The following TRMO variants were observed in gnomAD, a reference collection of about 807,000 sequenced individuals.
The protein encoded by TRMO is tRNA (adenine(37)-N6)-methyltransferase.
A neutral mutation model predicts 37.2 loss-of-function variants in TRMO; 30 were observed. The ratio of observed to expected loss-of-function variants is 0.81; its 90% confidence interval spans 0.60 to 1.09. The LOEUF (loss-of-function observed/expected upper bound fraction) is 1.09. TRMO is among the 50% of genes least tolerant of loss of function. TRMO has a pLI of 0.00. For synonymous variants in TRMO, 239 were observed against 199.4 expected (o/e 1.20, Z -1.67); for missense variants, 552 against 549.5 (o/e 1.00, Z -0.05).
At chr9:97,899,647 A>C (rs1831123311), downstream of TRMO, among the ~76,000 whole-genome samples, 1 of 152,150 alleles carries the variant, frequency 6.6e-6, no homozygotes. Flanking sequence ...GCACTTTAGG[A>C]GGCCGAGGCA....
Position 97,922,420 on chromosome 9 carries a change from GTCTCC to G in TRMO, c.69_73del (p.Glu24ArgfsTer6). On this transcript the variant is annotated frameshift_variant, in exon 1 of 5. Coordinates refer to ENST00000375119, the MANE Select transcript of TRMO (RefSeq NM_016481.5). LOFTEE classifies it high-confidence loss of function. ...GCACCGCCGGTGTTGGAAGTTACCT[GTCTCC>G]AGAGCCGGCTTAACGCAGCCGCACG... is the stretch of plus-strand genomic sequence containing the variant. The G allele has an allele frequency of 6.3e-7, 1 of 1,578,136 alleles. No individual in the cohort carries two copies. Among genetic ancestry groups the G allele is most frequent in the Non-Finnish European group, 8.6e-7 (1 of 1,160,800 alleles).
chr9:97,903,934 T>C (rs551385118), downstream of TRMO, among the ~76,000 whole-genome samples: 1 of 152,000 alleles, frequency 6.6e-6, no homozygotes, highest in African/African-American at 2.4e-5. Context: ...ATACAAAAAT[T>C]AGCCAGGCAT....
intron 1 of TRMO, among the ~76,000 whole-genome samples, chr9:97,917,923 C>A (rs1283648572): frequency 6.7e-6 from 1 of 149,374 alleles, no homozygotes; most frequent in Non-Finnish European, 1.5e-5. Flanking sequence ...CTCCAGCAAT[C>A]TGCCCATCTC....
In TRMO at chr9:97,910,479, G is replaced by A. The variant is rs770962621; in HGVS notation, c.547C>T (p.His183Tyr). 93 of 1,614,044 alleles carry A rather than the reference G, an allele frequency of 5.8e-5. No individual in the cohort carries two copies. The South Asian group carries it at 1.0e-3, about 17-fold the overall frequency. Residue 183 changes from histidine to tyrosine, a missense_variant, in exon 4 of 5, where the codon CAT becomes TAT. Coordinates refer to ENST00000375119, the MANE Select transcript of TRMO (RefSeq NM_016481.5). The stretch of plus-strand genomic sequence containing the variant: ...GACTGGGACACAGTGTTTGGTGTAT[G>A]TTGGTTATTCTGTAAATTAAAGTCT... ...LADFNLQNNQ[H>Y]TPNTVSQSDS...
At position 97,913,449 on chromosome 9, in the gene TRMO, G is replaced by T. The variant is rs765666808; in HGVS notation, c.361C>A (p.Arg121Ser). Residue 121 changes from arginine to serine, a missense_variant, in exon 3 of 5, where the codon CGT (arginine) becomes AGT (serine). Physicochemically the swap from Arg to Ser is moderately radical, Grantham distance 110. Transcript: ENST00000375119. ...AGGGTCAGTCCTATTGCATTGGGAC[G>T]ATGAGGGCTCCTTGTGGAAAAAACT... ...TGVFSTRSPH[R>S]PNAIGLTLAK... 1 of 1,613,906 alleles carries T rather than the reference G, an allele frequency of 6.2e-7. No homozygotes were observed. The highest frequency in any genetic ancestry group is 8.5e-7 in the Non-Finnish European group (1 of 1,179,868).
rs749783129 is a variant in TRMO, at chr9:97,912,965, T to C, written c.409+436A>G. 1.1e-5 allele frequency: 14 copies of C among 1,301,160 alleles called. No homozygotes were observed. The South Asian group carries it at 1.4e-4, about 13-fold the overall frequency. The allele number at this position is 1,301,160 out of a possible 1,614,324, so 80.6% of individuals were successfully genotyped here. A position where few individuals can be genotyped will look rare whatever the true frequency, so the allele number is the denominator to read the frequency against. The stretch of plus-strand genomic sequence containing the variant: ...GCACTGCAGCCATGATATCTGTCCA[T>C]TTCCCCAAGGCTGCAAGGAAGGAAT... On this transcript the variant is annotated intron_variant, in intron 3 of 4. Coordinates refer to ENST00000375119, the MANE Select transcript of TRMO (RefSeq NM_016481.5).
At chr9:97,902,096 G>T (rs1346422486), downstream of TRMO, among the ~76,000 whole-genome samples, 4 of 152,208 alleles carry the variant, frequency 2.6e-5, no homozygotes, top group Non-Finnish European at 5.9e-5. Context: ...TCTCTAGTGG[G>T]CAGAGCTGTC....
chr9:97,916,355 G>A lies in TRMO; in HGVS notation c.77-17C>T. The A allele has an allele frequency of 6.3e-7, 1 of 1,577,588 alleles. No individual in the cohort carries two copies. The highest frequency in any genetic ancestry group is 8.6e-7 in the Non-Finnish European group (1 of 1,162,026). On this transcript the variant is annotated splice_polypyrimidine_tract_variant and intron_variant, in intron 1 of 4. Coordinates refer to ENST00000375119, the MANE Select transcript of TRMO (RefSeq NM_016481.5). ...AAAGATTCCCTACAGGAGAAAATTAGGTAAAAAGTTATTAGTCAAAAGGTC... is the reference window on the plus strand; with the variant it reads ...AAAGATTCCCTACAGGAGAAAATTAAGTAAAAAGTTATTAGTCAAAAGGTC...
At chr9:97,922,048 C>T (rs1587846374) in intron 1 of TRMO, among the ~76,000 whole-genome samples, 1 of 152,224 alleles carries the variant, frequency 6.6e-6, no homozygotes, top group Admixed American at 6.5e-5. Context: ...GTCCTCATTC[C>T]TACAGCGCAG....
In TRMO at chr9:97,909,987, T is replaced by A. The variant is rs773059335; in HGVS notation, c.1039A>T (p.Met347Leu). The A allele has an allele frequency of 1.3e-5, 21 of 1,559,382 alleles. No homozygotes were observed. The highest frequency in any genetic ancestry group is 1.8e-5 in the Non-Finnish European group (21 of 1,153,282). ...TGTGAACTGAGCTGCCCAAGGTCCA[T>A]CTCGGCATGAGGAGTAAACCGCACT... ...LEVRFTPHAEMDLGQLSSQDV... is the reference protein window; with the variant it reads ...LEVRFTPHAELDLGQLSSQDV... Residue 347 changes from methionine to leucine, a missense_variant, in exon 4 of 5, where the codon ATG becomes TTG. Physicochemically the swap from Met to Leu is conservative, Grantham distance 15. Transcript: ENST00000375119.
intron 2 of TRMO, 48 bp downstream of exon 2, chr9:97,916,116 G>T: frequency 7.0e-7 from 1 of 1,436,658 alleles, no homozygotes; most frequent in Admixed American, 2.1e-5. Context: ...CTTTATTCGG[G>T]GGCAAGTTCT....
intron 1 of TRMO, among the ~76,000 whole-genome samples, chr9:97,916,709 T>C (rs888307747): frequency 1.4e-4 from 21 of 146,190 alleles, no homozygotes; most frequent in African/African-American, 2.5e-4. Context: ...TTCTTTCTTT[T>C]TTTTTTTTTT....
At chr9:97,905,913 T>C (rs1168028302) in intron 4 of TRMO, among the ~76,000 whole-genome samples, 2 of 152,166 alleles carry the variant, frequency 1.3e-5, no homozygotes, top group Admixed American at 6.5e-5. Flanking sequence ...CCCAGCACTT[T>C]GGGAGGCCAA....
chr9:97,916,237 A>G lies in TRMO; in HGVS notation c.178T>C (p.Leu60=). The G allele has an allele frequency of 1.9e-6, 3 of 1,613,798 alleles. No homozygotes were observed. Among genetic ancestry groups the G allele is most frequent in the Non-Finnish European group, 2.5e-6 (3 of 1,179,760 alleles). ...TTAAAGATCCTCTTTCTAATCCTCA[A>G]ACAGGCTCGAGAATAGCTACAAATG... ...PSICSYSRAC[L]RIRKRIFNNP... The change falls in exon 2 of 5, where the codon TTG becomes CTG. Residue 60 remains leucine, a synonymous_variant. Coordinates refer to ENST00000375119, the MANE Select transcript of TRMO (RefSeq NM_016481.5).
At chr9:97,914,625 C>A (rs144765032) in intron 2 of TRMO, among the ~76,000 whole-genome samples, 50 of 151,776 alleles carry the variant, frequency 3.3e-4, no homozygotes, top group African/African-American at 1.2e-3. Flanking sequence ...CCTCCATTAA[C>A]AAGAGTGTGT....
intron 4 of TRMO, 139 bp from the exon 5 acceptor site, chr9:97,905,131 C>T (rs770954958): frequency 1.3e-5 from 12 of 919,306 alleles, no homozygotes; most frequent in Admixed American, 4.6e-5. Flanking sequence ...TTGATCATTA[C>T]GGAGACTGTC....
rs1185757021 is a variant in TRMO, at chr9:97,915,080, T to G, written c.251+1084A>C. On this transcript the variant is annotated intron_variant, in intron 2 of 4. Coordinates refer to ENST00000375119, the MANE Select transcript of TRMO (RefSeq NM_016481.5). ...CAAATTGACATGAAAAATAAACTAT[T>G]TCAGAATATACACTTAATTTTTAGG... Among the ~76,000 whole-genome samples, 4 of 152,216 alleles carry G rather than the reference T, an allele frequency of 2.6e-5. No homozygotes were observed. In the East Asian group the frequency reaches 5.8e-4, roughly 22 times the overall value.
At chr9:97,898,786 G>A in the TRMO span, among the ~76,000 whole-genome samples, 1 of 142,654 alleles carries the variant, frequency 7.0e-6, no homozygotes, top group African/African-American at 2.7e-5. Flanking sequence ...GGTAGGGCTT[G>A]CTTCAATAAC....
At position 97,910,093 on chromosome 9, in the gene TRMO, G is replaced by A; in HGVS notation, c.933C>T (p.His311=). ...CTCCATCAGCCCTTCCAGCAGGGCA[G>A]TGAGGGGCCATGGGCTGTGTCTCTG... ...SRAETQPMAP[H]CPAGRADGAP... Residue 311 remains histidine (H), a synonymous_variant, in exon 4 of 5, where the codon CAC becomes CAT. Transcript: ENST00000375119. 6.2e-7 allele frequency: 1 copy of A among 1,614,106 alleles called. No homozygotes were observed. The highest frequency in any genetic ancestry group is 1.1e-5 in the South Asian group (1 of 91,086).
Sources: allele counts gnomAD v4.1 joint callset (sites outside exome capture counted in the v4.1 genomes callset), GRCh38; gene constraint gnomAD v4.1.1; transcripts MANE v1.5; gene names NCBI Gene and HGNC (gene_info 2026-07-23, HGNC 2026-07-21).